Variants in CRTC3 observed in about 807,000 individuals in gnomAD.
CRTC3 encodes CREB-regulated transcription coactivator 3.
CRTC3 carries 26 observed loss-of-function variants against 74.5 expected under a neutral mutation model. The ratio of observed to expected loss-of-function variants is 0.35; its 90% CI spans 0.26 to 0.48. CRTC3 has a LOEUF of 0.48. Among genes scored for constraint, CRTC3 ranks in the 20% least tolerant of loss-of-function variants. The probability of loss-of-function intolerance (pLI) is 0.99; values close to 1 mark genes in which losing one functional copy is unlikely to be tolerated. For missense variants in CRTC3, 760 were observed against 787.3 expected (o/e 0.97, Z 0.41); for synonymous variants, 377 against 325.8 (o/e 1.16, Z -1.69).
At chr15:90,614,546 C>T in intron 7 of CRTC3, 58 bp downstream of exon 7, 2 of 1,074,544 alleles carry the variant, frequency 1.9e-6, no homozygotes, top group South Asian at 2.7e-5. Flanking sequence ...TGGACATAAC[C>T]TTTCAATACC....
In CRTC3 at chr15:90,625,978, A is replaced by G. The variant is rs1299632035; in HGVS notation, c.952A>G (p.Ile318Val). The G allele has an allele frequency of 1.9e-6, 3 of 1,613,962 alleles. No homozygotes were observed. Among genetic ancestry groups the G allele is most frequent in the East Asian group, 2.2e-5 (1 of 44,884 alleles). ...CCCAGCTGCTATGACCCACCTGGGT[A>G]TAAGAAGCTCCTCTGGTGAGTATCT... ...NIPAAMTHLG[I>V]RSSSGLQSSR... Residue 318 changes from isoleucine to valine, a missense_variant, in exon 10 of 15, where the codon ATA becomes GTA. Physicochemically the swap from Ile to Val is conservative, Grantham distance 29. Transcript: ENST00000268184.
intron 3 of CRTC3, among the ~76,000 whole-genome samples, chr15:90,600,009 G>A (rs1968026691): frequency 6.6e-6 from 1 of 152,180 alleles, no homozygotes; most frequent in South Asian, 2.1e-4. Flanking sequence ...GGTTTTGTCT[G>A]TCACGGGCCT....
intron 2 of CRTC3, among the ~76,000 whole-genome samples, chr15:90,542,780 A>T (rs1966824271): frequency 6.6e-6 from 1 of 152,188 alleles, no homozygotes; most frequent in African/African-American, 2.4e-5. Flanking sequence ...ACATTAATTC[A>T]AGTACTCTTA....
intron 4 of CRTC3, among the ~76,000 whole-genome samples, chr15:90,602,809 A>T (rs1968108628): frequency 6.6e-6 from 1 of 151,804 alleles, no homozygotes; most frequent in Non-Finnish European, 1.5e-5. Context: ...CCCCGTCTCT[A>T]CTAAAAATAC....
chr15:90,607,221 T>C (rs955298084), intron 5 of CRTC3, among the ~76,000 whole-genome samples, 157 bp from the exon 6 acceptor site: 2 of 152,220 alleles, frequency 1.3e-5, no homozygotes, highest in African/African-American at 4.8e-5. Context: ...TGTTAATTGA[T>C]ATAAAGAACT....
intron 3 of CRTC3, among the ~76,000 whole-genome samples, chr15:90,597,513 A>C (rs571198177): frequency 6.6e-6 from 1 of 152,334 alleles, no homozygotes; most frequent in East Asian, 1.9e-4. Context: ...TAATGAGATG[A>C]AAATGTTAGG....
chr15:90,600,895 C>T (rs973138399), intron 3 of CRTC3, among the ~76,000 whole-genome samples: 5 of 152,112 alleles, frequency 3.3e-5, no homozygotes, highest in Non-Finnish European at 7.4e-5. Flanking sequence ...GATAAGGAGG[C>T]AACCTTCCAC....
rs542335832 is a variant in CRTC3, at chr15:90,629,315, C to A, written c.1049C>A (p.Pro350Gln). Residue 350 changes from proline (P) to glutamine (Q), a missense_variant, in exon 11 of 15, where the codon CCA (proline) becomes CAA (glutamine). Pro to Gln is a moderately conservative substitution (Grantham distance 76). Coordinates refer to ENST00000268184, the MANE Select transcript of CRTC3 (RefSeq NM_022769.5). ...TVLSSSLNNH[P>Q]QTSVPNASAL... is the part of the protein sequence containing the mutation. ...CTTTCCTCTTCCTTAAATAACCACC[C>A]ACAGACATCTGTTCCCAACGCATCT... The A allele has an allele frequency of 6.2e-7, 1 of 1,614,152 alleles. No individual in the cohort carries two copies. Among genetic ancestry groups the A allele is most frequent in the African/African-American group, 1.3e-5 (1 of 75,046 alleles).
intron 11 of CRTC3, among the ~76,000 whole-genome samples, chr15:90,636,068 T>G (rs986237024): frequency 6.6e-6 from 1 of 152,246 alleles, no homozygotes; most frequent in African/African-American, 2.4e-5. Flanking sequence ...TTAAAGTTCA[T>G]ATGGAACCGA....
At chr15:90,604,350 C>T (rs1968160947) in intron 4 of CRTC3, 35 bp from the exon 5 acceptor site, 1 of 1,577,200 alleles carries the variant, frequency 6.3e-7, no homozygotes, top group African/African-American at 1.3e-5. Context: ...TGTGGATTGA[C>T]TTCTTTTCCT....
At chr15:90,622,325 T>G (rs551042322) in intron 9 of CRTC3, among the ~76,000 whole-genome samples, 1 of 152,342 alleles carries the variant, frequency 6.6e-6, no homozygotes, top group Admixed American at 6.5e-5. Flanking sequence ...ACGTTACTAA[T>G]GACCTGTTTC....
intron 2 of CRTC3, among the ~76,000 whole-genome samples, chr15:90,552,411 A>G (rs766764677): frequency 1.3e-5 from 2 of 152,196 alleles, no homozygotes; most frequent in African/African-American, 4.8e-5. Context: ...TTCTTGTGTC[A>G]TCTAATGGTC....
chr15:90,605,845 G>A (rs4244880), intron 5 of CRTC3, among the ~76,000 whole-genome samples: 35,284 of 152,134 alleles, frequency 0.23, 4,301 homozygotes, highest in African/African-American at 0.3. Flanking sequence ...GAGATAAATA[G>A]ATAATCATCT....
chr15:90,530,300 C>A lies in CRTC3; in HGVS notation c.132+97C>A, dbSNP rs986410392. On this transcript the variant is annotated intron_variant, in intron 1 of 14. Coordinates refer to ENST00000268184, the MANE Select transcript of CRTC3 (RefSeq NM_022769.5). The surrounding 1 kb of genome is among the most constrained non-coding windows in gnomAD (Gnocchi z 6.2). ...TGCGGGGCCAAGGCGATGGCGGGGC[C>A]GGGCGGGGGCCGCGCCCGGGAACCG... 13 of 742,470 alleles carry A rather than the reference C, an allele frequency of 1.8e-5. No homozygotes were observed. In the African/African-American group the frequency reaches 2.3e-4, roughly 13 times the overall value. 46.0% of individuals were successfully genotyped at this position (742,470 alleles called of 1,614,324 possible). A position where few individuals can be genotyped will look rare whatever the true frequency, so the allele number is the denominator to read the frequency against.
Position 90,641,211 on chromosome 15 carries a change from A to G in CRTC3, c.1651+12A>G, listed in dbSNP as rs765139098. On this transcript the variant is annotated intron_variant, in intron 14 of 14. Transcript: ENST00000268184. ...CACCATCCTGCCAGGTGAGCGAGCT[A>G]TCCCTCAGCTTCTTTACTGCTTTTA... The G allele has an allele frequency of 4.5e-5, 69 of 1,549,322 alleles. No homozygotes were observed. Among genetic ancestry groups the G allele is most frequent in the Non-Finnish European group, 5.6e-5 (63 of 1,121,738 alleles).
At chr15:90,546,304 TC>T (rs1816018430) in intron 2 of CRTC3, among the ~76,000 whole-genome samples, 1 of 152,232 alleles carries the variant, frequency 6.6e-6, no homozygotes, top group Admixed American at 6.5e-5. Flanking sequence ...GACTTTCTTT[TC>T]CCTATTGAAT....
At chr15:90,574,802 C>T (rs971425871) in intron 2 of CRTC3, among the ~76,000 whole-genome samples, 9 of 152,082 alleles carry the variant, frequency 5.9e-5, no homozygotes, top group African/African-American at 1.9e-4. Context: ...TTATGAGTAA[C>T]GTGTGTTTTT....
intron 2 of CRTC3, among the ~76,000 whole-genome samples, chr15:90,574,553 A>G (rs1245356625): frequency 1.3e-5 from 2 of 152,224 alleles, no homozygotes; most frequent in African/African-American, 4.8e-5. Context: ...ATACAGGTAT[A>G]GCTGCAAGAA....
intron 10 of CRTC3, among the ~76,000 whole-genome samples, chr15:90,626,971 C>T (rs1275254898): frequency 6.6e-6 from 1 of 152,198 alleles, no homozygotes; most frequent in Non-Finnish European, 1.5e-5. Context: ...TGCAGTACAG[C>T]CCCTGGCCGT....
Sources: gnomAD v4.1 joint callset for allele counts (sites outside exome capture counted in the v4.1 genomes callset) on GRCh38, gnomAD v4.1.1 for gene constraint, Gnocchi (gnomAD v3.1) non-coding constraint, MANE v1.5 for transcripts, NCBI Gene and HGNC (gene_info 2026-07-23, HGNC 2026-07-21) for gene names.